The following GEM variants were observed in gnomAD, a reference collection of about 807,000 sequenced individuals.
The protein encoded by GEM is GTP-binding protein GEM.
GEM carries 31 observed loss-of-function variants against 33.0 expected under a neutral mutation model. The observed-to-expected ratio is 0.94, with a 90% CI of 0.71 to 1.27. GEM has a LOEUF of 1.27. Among genes scored for constraint, GEM ranks in the 50% most tolerant of loss-of-function variants. The pLI, the probability that GEM is intolerant of heterozygous loss-of-function variation, is 0.00. For missense variants in GEM, 354 were observed against 390.5 expected (o/e 0.91, Z 0.79); for synonymous variants, 141 against 143.7 (o/e 0.98, Z 0.13).
rs754124324 is a variant in GEM, at chr8:94,260,186, G to A, written c.318C>T (p.Cys106=). The change falls in exon 2 of 5, where the codon TGC becomes TGT. Residue 106 remains cysteine, a synonymous_variant. Transcript: ENST00000297596. ...AGVHDSMDSD[C]EVLGEDTYER... ...TGGGACACCTACCTCCCAGCACCTCGCAGTCGCTGTCCATGCTGTCATGCA... is the reference window on the plus strand; with the variant it reads ...TGGGACACCTACCTCCCAGCACCTCACAGTCGCTGTCCATGCTGTCATGCA... 5.5e-5 allele frequency: 87 copies of A among 1,587,060 alleles called. No individual in the cohort carries two copies. Among genetic ancestry groups the A allele is most frequent in the Middle Eastern group, 1.7e-4 (1 of 5,932 alleles).
In GEM at chr8:94,250,025, T is replaced by C. The variant is rs1050616; in HGVS notation, c.*285A>G. Reference sequence around the variant, plus strand: ...AGGCATTCTTTGTAAGCTTTACTTCTCTACTATCCAAAATAGAAGAAACAC... The same window carrying C: ...AGGCATTCTTTGTAAGCTTTACTTCCCTACTATCCAAAATAGAAGAAACAC... On this transcript the variant is annotated 3_prime_UTR_variant, in exon 5 of 5. Transcript: ENST00000297596. The C allele has an allele frequency of 0.53, 183,546 of 347,214 alleles. 51,256 individuals carry two copies. Among genetic ancestry groups the C allele is most frequent in the Middle Eastern group, 0.63 (797 of 1,264 alleles). 21.5% of individuals were successfully genotyped at this position (347,214 alleles called of 1,614,324 possible).
rs1250641425 is a variant in GEM, at chr8:94,250,357, C to T, written c.844G>A (p.Ala282Thr). Residue 282 changes from alanine (A) to threonine (T), a missense_variant, in exon 5 of 5, where the codon GCC becomes ACC. Transcript: ENST00000297596. ...CAGGATTTGGACTTGAGCTTGAAGG[C>T]CATATTCTTGTTGTTTTTGGCCACG... ...KIVAKNNKNM[A>T]FKLKSKSCHD... is the part of the protein sequence containing the mutation. The T allele has an allele frequency of 1.2e-6, 2 of 1,614,090 alleles. No individual in the cohort carries two copies. The highest frequency in any genetic ancestry group is 2.2e-5 in the South Asian group (2 of 91,068).
Position 94,249,362 on chromosome 8 carries a change from T to C in GEM, c.*948A>G, listed in dbSNP as rs1808713328. ...AATGGATATTTTTCTTATTAAGAAA[T>C]ATGTTCATAAATATGCTTTATCAAA... On this transcript the variant is annotated 3_prime_UTR_variant, in exon 5 of 5. Transcript: ENST00000297596. 6.6e-6 allele frequency: 1 copy of C among 152,200 alleles called. No individual in the cohort carries two copies. Among genetic ancestry groups the C allele is most frequent in the Non-Finnish European group, 1.5e-5 (1 of 68,036 alleles). 9.4% of individuals were successfully genotyped at this position (152,200 alleles called of 1,614,324 possible).
At chr8:94,256,276 T>C (rs1334084687) in intron 2 of GEM, among the ~76,000 whole-genome samples, 1 of 151,916 alleles carries the variant, frequency 6.6e-6, no homozygotes, top group Non-Finnish European at 1.5e-5. Flanking sequence ...TTAGTAATTT[T>C]CTATCCTCTG....
chr8:94,260,285 G>A lies in GEM; in HGVS notation c.219C>T (p.Asn73=), dbSNP rs766109484. The A allele has an allele frequency of 8.1e-6, 13 of 1,614,110 alleles. No individual in the cohort carries two copies. Among genetic ancestry groups the A allele is most frequent in the Non-Finnish European group, 7.6e-6 (9 of 1,179,906 alleles). The change falls in exon 2 of 5, where the codon AAC becomes AAT. Residue 73 remains asparagine (N), a synonymous_variant. Coordinates refer to ENST00000297596, the MANE Select transcript of GEM (RefSeq NM_005261.4). Reference sequence around the variant, plus strand: ...CTATGAGCACCACTCGGTAGTAGGTGTTCCCTGACTCAGAGGAGATGACTG... The same window carrying A: ...CTATGAGCACCACTCGGTAGTAGGTATTCCCTGACTCAGAGGAGATGACTG... ...TDSVISSESG[N]TYYRVVLIGE... is the part of the protein sequence containing the mutation.
chr8:94,259,755 C>T (rs1320113103), intron 2 of GEM: 1 of 160,884 alleles, frequency 6.2e-6, no homozygotes, highest in Non-Finnish European at 1.4e-5. Flanking sequence ...GCAAACTGAT[C>T]AAGCCATCCT....
chr8:94,253,002 TA>T, intron 3 of GEM, 33 bp downstream of exon 3: 1 of 1,232,034 alleles, frequency 8.1e-7, no homozygotes, highest in Non-Finnish European at 1.2e-6. Context: ...AGGAAAGCCC[TA>T]AAGGAATTTA....
intron 2 of GEM, among the ~76,000 whole-genome samples, chr8:94,257,996 T>A (rs1808932753): frequency 6.6e-6 from 1 of 152,140 alleles, no homozygotes; most frequent in Non-Finnish European, 1.5e-5. Flanking sequence ...TCTCTCATGA[T>A]TGAACCCAAA....
intron 2 of GEM, among the ~76,000 whole-genome samples, chr8:94,257,829 T>G (rs1808926672): frequency 1.3e-5 from 2 of 151,934 alleles, no homozygotes; most frequent in Admixed American, 1.3e-4. Flanking sequence ...ATGAGAATAT[T>G]ATGTCGATTT....
chr8:94,258,165 C>A (rs1808936675), intron 2 of GEM, among the ~76,000 whole-genome samples: 2 of 152,024 alleles, frequency 1.3e-5, no homozygotes, highest in Non-Finnish European at 2.9e-5. Context: ...ATGAGTCAGT[C>A]TTCTTAACAT....
chr8:94,261,078 T>C (rs1400127313), intron 1 of GEM, among the ~76,000 whole-genome samples: 2 of 152,118 alleles, frequency 1.3e-5, no homozygotes, highest in Admixed American at 6.5e-5. Context: ...TTATTGGAAC[T>C]TCCATGTTTA....
In GEM at chr8:94,250,387, T is replaced by A; in HGVS notation, c.814A>T (p.Lys272Ter). 1 of 1,614,182 alleles carries A rather than the reference T, an allele frequency of 6.2e-7. No individual in the cohort carries two copies. The highest frequency in any genetic ancestry group is 8.5e-7 in the Non-Finnish European group (1 of 1,179,988). ...TTCTTGTTGTTTTTGGCCACGATCT[T>A]GCCCCAGAAGCGCCTGGCTTTCCTG... The part of the protein sequence containing the change: ...MPRKARRFWG[K>*]IVAKNNKNMA... The change falls in exon 5 of 5, where the codon AAG (lysine) becomes TAG (stop). Residue 272 changes from lysine (K) to a stop codon, truncating the protein, a stop_gained. Coordinates refer to ENST00000297596, the MANE Select transcript of GEM (RefSeq NM_005261.4). LOFTEE classifies it high-confidence loss of function.
At chr8:94,260,990 C>T (rs1056849980) in intron 1 of GEM, among the ~76,000 whole-genome samples, 1 of 152,192 alleles carries the variant, frequency 6.6e-6, no homozygotes, top group Non-Finnish European at 1.5e-5. Context: ...GGTTTTGTGC[C>T]TCAGTGGGAA....
Position 94,260,045 on chromosome 8 carries a change from C to G in GEM, c.331+128G>C. 3 of 621,198 alleles carry G rather than the reference C, an allele frequency of 4.8e-6. No homozygotes were observed. The South Asian group carries it at 6.6e-5, about 14-fold the overall frequency. 38.5% of individuals were successfully genotyped at this position (621,198 alleles called of 1,614,324 possible). A position where few individuals can be genotyped will look rare whatever the true frequency, so the allele number is the denominator to read the frequency against. On this transcript the variant is annotated intron_variant, in intron 2 of 4. Coordinates refer to ENST00000297596, the MANE Select transcript of GEM (RefSeq NM_005261.4). Reference sequence around the variant, plus strand: ...CTTGGGCTTTTCTAGAGACTCAGCTCCCCCATCAATTGTCCAAAATGCCTA... The same window carrying G: ...CTTGGGCTTTTCTAGAGACTCAGCTGCCCCATCAATTGTCCAAAATGCCTA...
rs777248979 is a variant in GEM at position 94,250,329 on chromosome 8, T to A, written c.872A>T (p.His291Leu). 2.5e-6 allele frequency: 4 copies of A among 1,613,850 alleles called. No individual in the cohort carries two copies. The highest frequency in any genetic ancestry group is 1.7e-6 in the Non-Finnish European group (2 of 1,179,828). ...GGGTTCCTAGAGTACAGAGAGGTCA[T>A]GGCAGGATTTGGACTTGAGCTTGAA... ...MAFKLKSKSC[H>L]DLSVL The change falls in exon 5 of 5, where the codon CAT becomes CTT. Residue 291 changes from histidine to leucine, a missense_variant. Transcript: ENST00000297596.
Position 94,260,252 on chromosome 8 carries a change from C to G in GEM, c.252G>C (p.Gln84His), listed in dbSNP as rs1186893760. Residue 84 changes from glutamine (Q) to histidine (H), a missense_variant, in exon 2 of 5, where the codon CAG becomes CAC. Transcript: ENST00000297596. ...TGGCCAGAGTGGACTTGCCCACCCC[C>G]TGCTCCCCTATGAGCACCACTCGGT... ...TYYRVVLIGE[Q>H]GVGKSTLANI... 2.5e-6 allele frequency: 4 copies of G among 1,613,620 alleles called. No homozygotes were observed. Among genetic ancestry groups the G allele is most frequent in the African/African-American group, 1.3e-5 (1 of 74,938 alleles).
intron 2 of GEM, among the ~76,000 whole-genome samples, chr8:94,254,528 A>G (rs983961724): frequency 5.9e-5 from 9 of 152,214 alleles, no homozygotes; most frequent in African/African-American, 2.2e-4. Context: ...AAGCCTGGGC[A>G]CAAAGTAGAA....
In GEM at chr8:94,260,484, G is replaced by A. The variant is rs771211990; in HGVS notation, c.20C>T (p.Thr7Ile). 22 of 1,605,490 alleles carry A rather than the reference G, an allele frequency of 1.4e-5. No homozygotes were observed. In the Middle Eastern group the frequency reaches 6.7e-4, roughly 49 times the overall value. MTLNNVTMRQGTVGMQP... is the reference protein window; with the variant it reads MTLNNVIMRQGTVGMQP... ...CATGCCCACAGTGCCCTGGCGCATG[G>A]TGACATTATTCAGAGTCATCGTTGA... is the stretch of plus-strand genomic sequence containing the variant. Residue 7 changes from threonine (T) to isoleucine (I), a missense_variant, in exon 2 of 5, where the codon ACC (threonine) becomes ATC (isoleucine). Physicochemically the swap from Thr to Ile is moderately conservative, Grantham distance 89. Transcript: ENST00000297596.
At chr8:94,250,635 C>T (rs1382332719) in intron 4 of GEM, 48 bp from the exon 5 acceptor site, 1 of 1,485,494 alleles carries the variant, frequency 6.7e-7, no homozygotes, top group Non-Finnish European at 9.2e-7. Context: ...CACAGTCCCA[C>T]ATAGCACACA....
Sources: gnomAD v4.1 joint callset for allele counts (sites outside exome capture counted in the v4.1 genomes callset) on GRCh38, gnomAD v4.1.1 for gene constraint, MANE v1.5 for transcripts, NCBI Gene and HGNC (gene_info 2026-07-23, HGNC 2026-07-21) for gene names.